The following PPP2R2B variants were observed in gnomAD, a reference collection of about 807,000 sequenced individuals.
The protein encoded by PPP2R2B is protein phosphatase 2 regulatory subunit Bbeta.
PPP2R2B carries 5 observed loss-of-function variants against 46.0 expected under a neutral mutation model. That is an observed-to-expected ratio of 0.11 (90% CI 0.06 to 0.23). The LOEUF is 0.23. PPP2R2B is among the 10% of genes least tolerant of loss of function. PPP2R2B has a pLI of 1.00. For synonymous variants in PPP2R2B, 215 were observed against 206.7 expected (o/e 1.04, Z -0.34); for missense variants, 367 against 575.0 (o/e 0.64, Z 3.70).
At chr5:147,071,214 A>G (rs1317508456) in intron 2 of PPP2R2B, among the ~76,000 whole-genome samples, 1 of 152,144 alleles carries the variant, frequency 6.6e-6, no homozygotes, top group Non-Finnish European at 1.5e-5. Flanking sequence ...AGGGAGATGG[A>G]GAGGATCTGA....
At chr5:146,949,966 G>T (rs149032661) in intron 1 of PPP2R2B, among the ~76,000 whole-genome samples, 60 of 152,134 alleles carry the variant, frequency 3.9e-4, no homozygotes, top group African/African-American at 1.4e-3. Context: ...GTTACCAGAG[G>T]CTGGGAAGGG....
intron 2 of PPP2R2B, among the ~76,000 whole-genome samples, chr5:146,812,746 AC>A: frequency 1.8e-5 from 1 of 54,410 alleles, no homozygotes; most frequent in Non-Finnish European, 3.8e-5. Flanking sequence ...ATATATATAT[AC>A]TGCTATCACT....
At chr5:146,735,452 T>A (rs1459959894) in intron 2 of PPP2R2B, among the ~76,000 whole-genome samples, 1 of 152,000 alleles carries the variant, frequency 6.6e-6, no homozygotes. Flanking sequence ...TATTACATAA[T>A]AATCCCAGAG....
intron 4 of PPP2R2B, among the ~76,000 whole-genome samples, chr5:146,697,768 G>A (rs1170755105): frequency 2.6e-5 from 4 of 152,222 alleles, no homozygotes; most frequent in Middle Eastern, 6.8e-3. Flanking sequence ...ACATAATTGG[G>A]TCATAAATTT....
chr5:146,662,632 C>G (rs1776738663), intron 5 of PPP2R2B, among the ~76,000 whole-genome samples: 2 of 152,224 alleles, frequency 1.3e-5, no homozygotes, highest in Middle Eastern at 3.4e-3. Flanking sequence ...ATTACCCAGT[C>G]TGTGGTATTC....
intron 2 of PPP2R2B, among the ~76,000 whole-genome samples, chr5:146,720,811 T>C (rs1780750809): frequency 6.6e-6 from 1 of 152,190 alleles, no homozygotes; most frequent in Admixed American, 6.5e-5. Flanking sequence ...TAACTTATTC[T>C]AGTGTGGAGT....
chr5:146,617,583 G>T (rs1315234501), intron 7 of PPP2R2B, among the ~76,000 whole-genome samples: 2 of 152,122 alleles, frequency 1.3e-5, no homozygotes, highest in Admixed American at 1.3e-4. Context: ...ACTATGATAG[G>T]TGCTAGAGTT....
chr5:146,970,794 C>T (rs1050722246), intron 1 of PPP2R2B, among the ~76,000 whole-genome samples: 3 of 151,794 alleles, frequency 2.0e-5, no homozygotes, highest in Admixed American at 6.6e-5. Flanking sequence ...GGAGTTGCCC[C>T]GTAAAACTTA....
At chr5:146,694,899 T>C (rs1779086292) in intron 4 of PPP2R2B, among the ~76,000 whole-genome samples, 1 of 152,102 alleles carries the variant, frequency 6.6e-6, no homozygotes, top group Admixed American at 6.5e-5. Flanking sequence ...CATATTTATC[T>C]ATACCAACGT....
chr5:146,622,390 C>T (rs1254777011), intron 7 of PPP2R2B, among the ~76,000 whole-genome samples: 1 of 152,164 alleles, frequency 6.6e-6, no homozygotes, highest in African/African-American at 2.4e-5. Flanking sequence ...CTTAGCTGTA[C>T]AGAGGGTAAA....
intron 9 of PPP2R2B, among the ~76,000 whole-genome samples, chr5:146,591,816 G>A (rs1441189115): frequency 6.6e-6 from 1 of 152,088 alleles, no homozygotes; most frequent in Non-Finnish European, 1.5e-5. Context: ...ACTTTATGAG[G>A]TTGGGCAGAT....
chr5:146,762,511 G>A (rs563814214), intron 2 of PPP2R2B, among the ~76,000 whole-genome samples: 3 of 152,224 alleles, frequency 2.0e-5, no homozygotes, highest in Admixed American at 2.0e-4. Context: ...TAAGATTTTG[G>A]GTAATAGAGA....
intron 1 of PPP2R2B, among the ~76,000 whole-genome samples, chr5:146,997,972 G>A (rs571677117): frequency 2.6e-5 from 4 of 152,240 alleles, no homozygotes; most frequent in African/African-American, 4.8e-5. Context: ...AACCCCAAAG[G>A]TAAAACAGAT....
chr5:146,990,811 G>A (rs1753664953), intron 1 of PPP2R2B, among the ~76,000 whole-genome samples: 1 of 152,128 alleles, frequency 6.6e-6, no homozygotes, highest in Admixed American at 6.5e-5. Context: ...CTATGCATCT[G>A]ACAATGGATT....
At chr5:146,853,417 A>G (rs986165605) in intron 2 of PPP2R2B, among the ~76,000 whole-genome samples, 1 of 152,124 alleles carries the variant, frequency 6.6e-6, no homozygotes, top group African/African-American at 2.4e-5. Context: ...ATAGTATAGT[A>G]ATGGTGCAAA....
At chr5:146,646,347 A>T (rs1363434530) in intron 6 of PPP2R2B, among the ~76,000 whole-genome samples, 1 of 152,238 alleles carries the variant, frequency 6.6e-6, no homozygotes, top group East Asian at 1.9e-4. Flanking sequence ...GTTTTCATAA[A>T]GAAGCAACAT....
chr5:146,860,175 C>T (rs1042330533), intron 2 of PPP2R2B, among the ~76,000 whole-genome samples: 1 of 152,264 alleles, frequency 6.6e-6, no homozygotes, highest in African/African-American at 2.4e-5. Flanking sequence ...CATCTTAAAA[C>T]GTTTTACAGG....
intron 1 of PPP2R2B, among the ~76,000 whole-genome samples, chr5:146,945,041 T>A (rs1479245521): frequency 6.6e-6 from 1 of 152,196 alleles, no homozygotes; most frequent in Non-Finnish European, 1.5e-5. Flanking sequence ...AACTGACTTC[T>A]AGTATACGTT....
intron 7 of PPP2R2B, among the ~76,000 whole-genome samples, chr5:146,636,493 T>A (rs1774832171): frequency 6.6e-6 from 1 of 152,230 alleles, no homozygotes; most frequent in Admixed American, 6.5e-5. Context: ...CCAGGGTCGC[T>A]GGTCTCTGCC....
Sources: allele counts gnomAD v4.1 joint callset (sites outside exome capture counted in the v4.1 genomes callset), GRCh38; gene constraint gnomAD v4.1.1; transcripts MANE v1.5; gene names NCBI Gene and HGNC (gene_info 2026-07-23, HGNC 2026-07-21).